Variants in ITFG1 observed in about 807,000 individuals in gnomAD.
ITFG1 encodes the protein integrin alpha FG-GAP repeat containing 1, also known as T-cell immunomodulatory protein.
ITFG1 carries 34 observed loss-of-function variants against 81.8 expected under a neutral mutation model. The observed-to-expected ratio is 0.42, with a 90% CI of 0.32 to 0.55. The LOEUF (loss-of-function observed/expected upper bound fraction) is 0.55. Among genes scored for constraint, ITFG1 ranks in the 20% least tolerant of loss-of-function variants. ITFG1 has a pLI of 0.17. For missense variants in ITFG1, 672 were observed against 755.4 expected, an observed-to-expected ratio of 0.89 and a Z score of 1.29; for synonymous variants, 285 against 270.6, an observed-to-expected ratio of 1.05 and a Z score of -0.52.
At chr16:47,180,051 G>T (rs1965086050) in intron 14 of ITFG1, among the ~76,000 whole-genome samples, 1 of 152,162 alleles carries the variant, frequency 6.6e-6, no homozygotes, top group African/African-American at 2.4e-5. Context: ...ATTAAAAGAG[G>T]TGCTTAGATA....
chr16:47,357,024 T>G (rs937605062), intron 8 of ITFG1, among the ~76,000 whole-genome samples: 1 of 151,974 alleles, frequency 6.6e-6, no homozygotes, highest in African/African-American at 2.4e-5. Context: ...ATAATCACTT[T>G]CATAGTACTG....
chr16:47,215,852 G>A (rs1173717086), intron 14 of ITFG1, among the ~76,000 whole-genome samples: 13 of 151,650 alleles, frequency 8.6e-5, no homozygotes, highest in Admixed American at 8.5e-4. Context: ...TTTTATTTTT[G>A]TTTTCAGTGT....
chr16:47,449,655 A>T (rs191665256), intron 5 of ITFG1: 17 of 152,332 alleles, frequency 1.1e-4, no homozygotes, highest in Admixed American at 9.1e-4. Flanking sequence ...CTAAAATACC[A>T]GAGTATTATT....
At position 47,414,028 on chromosome 16, in the gene ITFG1, C is replaced by T. The variant is rs1968843374; in HGVS notation, c.655+14776G>A. Among the ~76,000 whole-genome samples, 3 of 149,862 alleles carry T rather than the reference C, an allele frequency of 2.0e-5. No individual in the cohort carries two copies. The South Asian group carries it at 6.7e-4, about 34-fold the overall frequency. On this transcript the variant is annotated intron_variant, in intron 6 of 17. Transcript: ENST00000320640. ...TAGAGTCGGGGTTTCACCATGTTGGCCAGGCTGGTCTCGAACTCCTGACCT... is the reference window on the plus strand; with the variant it reads ...TAGAGTCGGGGTTTCACCATGTTGGTCAGGCTGGTCTCGAACTCCTGACCT...
Position 47,258,314 on chromosome 16 carries a change from C to G in ITFG1, c.1330+318G>C, listed in dbSNP as rs533939931. Among the ~76,000 whole-genome samples, 8 of 152,090 alleles carry G rather than the reference C, an allele frequency of 5.3e-5. 1 individual carries two copies. Among genetic ancestry groups the G allele is most frequent in the Admixed American group, 3.9e-4 (6 of 15,270 alleles). On this transcript the variant is annotated intron_variant, in intron 12 of 17. Transcript: ENST00000320640. ...CAGTGCTATCTCACAGAATGCAAAGCCTGGATTCTTTAAAACTGAAAAGGA... is the reference window on the plus strand; with the variant it reads ...CAGTGCTATCTCACAGAATGCAAAGGCTGGATTCTTTAAAACTGAAAAGGA...
At chr16:47,417,255 T>C (rs748434076) in intron 6 of ITFG1, among the ~76,000 whole-genome samples, 8 of 152,228 alleles carry the variant, frequency 5.3e-5, no homozygotes, top group Non-Finnish European at 1.0e-4. Flanking sequence ...ATATAATTTC[T>C]GAAAGATCAC....
At chr16:47,162,714 C>A in intron 14 of ITFG1, 50 bp from the exon 15 acceptor site, 1 of 1,478,218 alleles carries the variant, frequency 6.8e-7, no homozygotes, top group Non-Finnish European at 9.1e-7. Context: ...GGAAACATTG[C>A]TCCCATCAAA....
At chr16:47,410,810 C>T (rs537206285) in intron 6 of ITFG1, among the ~76,000 whole-genome samples, 13 of 152,172 alleles carry the variant, frequency 8.5e-5, no homozygotes, top group Non-Finnish European at 5.9e-5. Flanking sequence ...ATTGAGCCTG[C>T]GCAGAGGTTG....
intron 14 of ITFG1, among the ~76,000 whole-genome samples, chr16:47,171,943 T>G (rs1036939042): frequency 6.6e-6 from 1 of 152,192 alleles, no homozygotes; most frequent in Non-Finnish European, 1.5e-5. Flanking sequence ...CTTTTATGTT[T>G]ACTGGCAGTA....
intron 8 of ITFG1, among the ~76,000 whole-genome samples, chr16:47,324,739 G>A (rs1243914736): frequency 3.3e-5 from 5 of 152,090 alleles, no homozygotes; most frequent in Non-Finnish European, 7.4e-5. Context: ...GACAAAGAAG[G>A]CCACTACATA....
chr16:47,212,412 T>C (rs538214132), intron 14 of ITFG1, among the ~76,000 whole-genome samples: 2 of 152,156 alleles, frequency 1.3e-5, no homozygotes, highest in South Asian at 4.1e-4. Flanking sequence ...ACACAGGATC[T>C]CACTATATTG....
intron 13 of ITFG1, among the ~76,000 whole-genome samples, chr16:47,227,282 A>G (rs906338833): frequency 2.6e-5 from 4 of 152,218 alleles, no homozygotes; most frequent in Non-Finnish European, 4.4e-5. Context: ...TTTCTTCTAT[A>G]CAATAAAGGT....
At chr16:47,339,654 C>T (rs1967755039) in intron 8 of ITFG1, among the ~76,000 whole-genome samples, 1 of 151,806 alleles carries the variant, frequency 6.6e-6, no homozygotes, top group Admixed American at 6.6e-5. Flanking sequence ...GAAAATAGGA[C>T]AAATGACATC....
At chr16:47,373,477 C>T (rs1968284841) in intron 7 of ITFG1, among the ~76,000 whole-genome samples, 1 of 152,100 alleles carries the variant, frequency 6.6e-6, no homozygotes, top group South Asian at 2.1e-4. Context: ...GACGGGGTTT[C>T]ACCATGTTGG....
intron 7 of ITFG1, among the ~76,000 whole-genome samples, chr16:47,369,351 T>C (rs1401622328): frequency 6.6e-6 from 1 of 152,198 alleles, no homozygotes; most frequent in Non-Finnish European, 1.5e-5. Flanking sequence ...CAGCCATTCA[T>C]CGTTCTAGGC....
chr16:47,299,014 C>T (rs914165676), intron 10 of ITFG1, among the ~76,000 whole-genome samples: 1 of 152,044 alleles, frequency 6.6e-6, no homozygotes, highest in East Asian at 1.9e-4. Flanking sequence ...CACACCAGCC[C>T]TGAGAGGGGT....
intron 8 of ITFG1, among the ~76,000 whole-genome samples, chr16:47,340,943 T>C (rs1409621291): frequency 3.3e-5 from 5 of 152,022 alleles, no homozygotes; most frequent in Non-Finnish European, 7.4e-5. Flanking sequence ...ATATAACAAC[T>C]GTAATCATAC....
chr16:47,224,085 G>T (rs988942760), intron 13 of ITFG1, among the ~76,000 whole-genome samples: 4 of 150,472 alleles, frequency 2.7e-5, no homozygotes, highest in Non-Finnish European at 5.9e-5. Context: ...GGAGGGGAGG[G>T]ATAGCATTGG....
chr16:47,305,894 T>C (rs1200673420), intron 10 of ITFG1, among the ~76,000 whole-genome samples: 1 of 152,062 alleles, frequency 6.6e-6, no homozygotes, highest in Non-Finnish European at 1.5e-5. Context: ...AAATGGAAAC[T>C]GAAGAAAGAA....
Sources: gnomAD v4.1 joint callset for allele counts (sites outside exome capture counted in the v4.1 genomes callset) on GRCh38, gnomAD v4.1.1 for gene constraint, MANE v1.5 for transcripts, NCBI Gene and HGNC (gene_info 2026-07-23, HGNC 2026-07-21) for gene names.